Variants in DCLK2 observed in about 807,000 individuals in gnomAD.
The protein encoded by DCLK2 is serine/threonine-protein kinase DCLK2.
DCLK2 carries 31 observed loss-of-function variants against 78.4 expected under a neutral mutation model. The observed-to-expected ratio is 0.40, with a 90% CI of 0.30 to 0.53. DCLK2 has a LOEUF of 0.53. Ranked by LOEUF, DCLK2 falls within the 20% of genes least tolerant of loss-of-function variation. The pLI is 0.61. For missense variants in DCLK2, 872 were observed against 973.7 expected, an observed-to-expected ratio of 0.90 and a Z score of 1.39; for synonymous variants, 407 against 374.9, an observed-to-expected ratio of 1.09 and a Z score of -0.99.
intron 12 of DCLK2, among the ~76,000 whole-genome samples, chr4:150,244,823 G>C (rs1196313216): frequency 2.6e-5 from 4 of 152,246 alleles, no homozygotes; most frequent in Non-Finnish European, 4.4e-5. Context: ...GAGACACCCT[G>C]TGGTTTTGTT....
chr4:150,082,118 TAGG>T (rs1355447049), intron 1 of DCLK2, among the ~76,000 whole-genome samples: 20 of 152,188 alleles, frequency 1.3e-4, no homozygotes, highest in Admixed American at 1.2e-3. Flanking sequence ...ATTTTTCATG[TAGG>T]AGAACTAAGC....
intron 2 of DCLK2, among the ~76,000 whole-genome samples, chr4:150,142,833 A>T (rs4292314): frequency 4.0e-5 from 6 of 150,398 alleles, no homozygotes; most frequent in African/African-American, 7.3e-5. Flanking sequence ...TTTTAGACTC[A>T]GGAGGAACAT....
At chr4:150,252,299 A>G (rs1284804406) in intron 15 of DCLK2, among the ~76,000 whole-genome samples, 1 of 152,224 alleles carries the variant, frequency 6.6e-6, no homozygotes, top group Non-Finnish European at 1.5e-5. Context: ...AAAAATTGGC[A>G]TACTCAACGT....
chr4:150,082,824 G>A (rs1021724612), intron 1 of DCLK2, among the ~76,000 whole-genome samples: 2 of 152,110 alleles, frequency 1.3e-5, no homozygotes, highest in East Asian at 1.9e-4. Context: ...GTTCTGTTCC[G>A]TGTGTCTTCT....
intron 2 of DCLK2, among the ~76,000 whole-genome samples, chr4:150,156,613 G>T (rs1735290913): frequency 6.6e-6 from 1 of 151,878 alleles, no homozygotes; most frequent in Non-Finnish European, 1.5e-5. Flanking sequence ...AGGCTGCAGT[G>T]AGCTATGATC....
chr4:150,086,801 C>T (rs935311423), intron 1 of DCLK2, among the ~76,000 whole-genome samples: 1 of 152,078 alleles, frequency 6.6e-6, no homozygotes, highest in African/African-American at 2.4e-5. Flanking sequence ...CCACCGTGCC[C>T]GGCCCACAAC....
chr4:150,131,149 A>G (rs927760975), intron 2 of DCLK2, among the ~76,000 whole-genome samples: 2 of 152,076 alleles, frequency 1.3e-5, no homozygotes, highest in African/African-American at 2.4e-5. Context: ...CAGCCTCCCA[A>G]GTAGCTCGGA....
At chr4:150,142,148 T>G (rs1734151323) in intron 2 of DCLK2, among the ~76,000 whole-genome samples, 1 of 152,232 alleles carries the variant, frequency 6.6e-6, no homozygotes, top group Non-Finnish European at 1.5e-5. Flanking sequence ...AAGTTTCCAT[T>G]TAATTCCTTG....
intron 1 of DCLK2, among the ~76,000 whole-genome samples, chr4:150,089,514 A>G (rs1729895744): frequency 6.6e-6 from 1 of 152,228 alleles, no homozygotes; most frequent in Non-Finnish European, 1.5e-5. Context: ...CTGTCTCAGT[A>G]TCCTTAAGGT....
chr4:150,203,927 G>C, intron 5 of DCLK2, 38 bp downstream of exon 5: 2 of 1,549,900 alleles, frequency 1.3e-6, no homozygotes, highest in African/African-American at 1.4e-5. Flanking sequence ...GTGTGATTTT[G>C]TTATTTAGAG....
chr4:150,196,218 A>G (rs192129804), intron 3 of DCLK2, among the ~76,000 whole-genome samples: 1 of 152,330 alleles, frequency 6.6e-6, no homozygotes, highest in African/African-American at 2.4e-5. Flanking sequence ...ATCCTCGATT[A>G]ATCGATACAG....
chr4:150,091,682 T>C (rs1318995263), intron 1 of DCLK2, among the ~76,000 whole-genome samples: 1 of 152,042 alleles, frequency 6.6e-6, no homozygotes, highest in Admixed American at 6.6e-5. Context: ...TTATAGTAAC[T>C]GATAGAAAAG....
intron 1 of DCLK2, among the ~76,000 whole-genome samples, chr4:150,082,988 C>T (rs931555954): frequency 2.6e-5 from 4 of 152,194 alleles, no homozygotes; most frequent in African/African-American, 4.8e-5. Flanking sequence ...AGAAAAATTT[C>T]ACCTCACTTC....
At chr4:150,226,463 C>T (rs1463982993) in intron 8 of DCLK2, among the ~76,000 whole-genome samples, 2 of 151,100 alleles carry the variant, frequency 1.3e-5, no homozygotes, top group South Asian at 2.1e-4. Flanking sequence ...TTAAGCAGAA[C>T]GTATCATAAT....
At chr4:150,082,678 A>G (rs552636265) in intron 1 of DCLK2, among the ~76,000 whole-genome samples, 8 of 152,320 alleles carry the variant, frequency 5.3e-5, no homozygotes, top group African/African-American at 1.7e-4. Flanking sequence ...CTCTTAATCA[A>G]TATTGGAAAA....
chr4:150,153,006 T>A (rs1244254120), intron 2 of DCLK2, among the ~76,000 whole-genome samples: 2 of 152,334 alleles, frequency 1.3e-5, no homozygotes, highest in East Asian at 3.9e-4. Context: ...GAATCTTCCC[T>A]CCTCTCCAGA....
intron 1 of DCLK2, among the ~76,000 whole-genome samples, chr4:150,079,826 C>T (rs1209462578): frequency 6.6e-6 from 1 of 152,164 alleles, no homozygotes; most frequent in Non-Finnish European, 1.5e-5. Flanking sequence ...TCGGTGTGGA[C>T]CCTGGTGCAG....
At chr4:150,167,000 G>A (rs1019354244) in intron 2 of DCLK2, among the ~76,000 whole-genome samples, 3 of 152,148 alleles carry the variant, frequency 2.0e-5, no homozygotes, top group Non-Finnish European at 4.4e-5. Flanking sequence ...AGTTCACTGG[G>A]CCCGCCTGGG....
rs1465034689 is a variant in DCLK2, at chr4:150,079,192, C to G, written c.165C>G (p.Ser55Arg). 6.2e-7 allele frequency: 1 copy of G among 1,611,806 alleles called. No individual in the cohort carries two copies. Among genetic ancestry groups the G allele is most frequent in the East Asian group, 2.2e-5 (1 of 44,816 alleles). Residue 55 changes from serine (S) to arginine (R), a missense_variant, in exon 1 of 16, where the codon AGC becomes AGG. By Grantham distance (110) the Ser-to-Arg change is moderately radical. Around this residue, in one of 3 missense-constraint regions of DCLK2, gnomAD observed 567 missense variants for 593.4 expected, o/e 0.96. Transcript: ENST00000296550. ...GTCCGGCGCACAGTGCCCACTGCAG[C>G]TTCTACCGCACGCGGACCCTGCAGG... ...IPSPAHSAHCSFYRTRTLQAL... is the reference protein window; with the variant it reads ...IPSPAHSAHCRFYRTRTLQAL...
Sources: allele counts gnomAD v4.1 joint callset (sites outside exome capture counted in the v4.1 genomes callset), GRCh38; gene constraint gnomAD v4.1.1; regional missense constraint gnomAD v4.1.1; transcripts MANE v1.5; gene names NCBI Gene and HGNC (gene_info 2026-07-23, HGNC 2026-07-21).